The following STK32C variants were observed in gnomAD, a reference collection of about 807,000 sequenced individuals.
The protein encoded by STK32C is serine/threonine-protein kinase 32C.
Under a neutral mutation model 56.5 loss-of-function variants are expected in STK32C, and 31 were observed. The observed-to-expected ratio is 0.55, with a 90% CI of 0.41 to 0.74. The LOEUF is 0.74. Ranked by LOEUF, STK32C falls within the 30% of genes least tolerant of loss-of-function variation. The pLI is 0.00. For synonymous variants in STK32C, 309 were observed against 289.4 expected (o/e 1.07, Z -0.69); for missense variants, 544 against 676.9 (o/e 0.80, Z 2.18).
In STK32C at chr10:132,248,623, C is replaced by T. The variant is rs116271733; in HGVS notation, c.263-2668G>A. On this transcript the variant is annotated intron_variant, in intron 1 of 11. Coordinates refer to ENST00000298630, the MANE Select transcript of STK32C (RefSeq NM_173575.4). ...ACAGCCTTGGCCATTCCCAACAGAG[C>T]TGAGGACGAGGGTGGTGGTCCACGC... Among the ~76,000 whole-genome samples, 1,125 of 152,370 alleles carry T rather than the reference C, an allele frequency of 7.4e-3. 17 individuals are homozygous for T. Among genetic ancestry groups the T allele is most frequent in the African/African-American group, 0.025 (1,054 of 41,586 alleles).
At chr10:132,320,592 G>A (rs183348882), downstream of STK32C, among the ~76,000 whole-genome samples, 16 of 152,298 alleles carry the variant, frequency 1.1e-4, no homozygotes, top group East Asian at 2.9e-3. Context: ...AGATCCTTTG[G>A]GCAGCTTAAG....
Position 132,245,967 on chromosome 10 carries a change from A to G in STK32C, c.263-12T>C. ...GTGGTCGAAGTTCACTGCAGGATAA[A>G]ACAGAGGGACACCTGGTGAGGTGGC... On this transcript the variant is annotated splice_polypyrimidine_tract_variant and intron_variant, in intron 1 of 11. Coordinates refer to ENST00000298630, the MANE Select transcript of STK32C (RefSeq NM_173575.4). 1 of 1,613,442 alleles carries G rather than the reference A, an allele frequency of 6.2e-7. No homozygotes were observed. Among genetic ancestry groups the G allele is most frequent in the Non-Finnish European group, 8.5e-7 (1 of 1,179,950 alleles).
chr10:132,268,258 C>T (rs561538242), intron 1 of STK32C, among the ~76,000 whole-genome samples: 13 of 113,328 alleles, frequency 1.1e-4, no homozygotes, highest in Admixed American at 2.0e-4. Flanking sequence ...TGTGTGCATG[C>T]ATGTGTATGC....
chr10:132,292,962 G>A (rs1343962558), intron 1 of STK32C, among the ~76,000 whole-genome samples: 2 of 151,152 alleles, frequency 1.3e-5, no homozygotes, highest in Non-Finnish European at 2.9e-5. Context: ...ACCTGCTCCA[G>A]TGCTGCAAGT....
chr10:132,288,736 G>A (rs1198887201), intron 1 of STK32C, among the ~76,000 whole-genome samples: 2 of 152,062 alleles, frequency 1.3e-5, no homozygotes, highest in Non-Finnish European at 2.9e-5. Flanking sequence ...AATTACTTGG[G>A]GATAAATTTA....
chr10:132,228,253 G>A lies in STK32C; in HGVS notation c.319-125C>T, dbSNP rs1027366420. On this transcript the variant is annotated intron_variant, in intron 2 of 11. Transcript: ENST00000298630. ...GACACAAGGGGACACCTGGGGACGC[G>A]CCGCAGCCCCTCTGCCTCCTAGACG... The A allele has an allele frequency of 1.1e-4, 132 of 1,244,886 alleles. 2 individuals carry two copies. The highest frequency in any genetic ancestry group is 1.0e-3 in the South Asian group (84 of 82,392). The allele number at this position is 1,244,886 out of a possible 1,614,324, so 77.1% of individuals were successfully genotyped here. A position where few individuals can be genotyped will look rare whatever the true frequency, so the allele number is the denominator to read the frequency against.
chr10:132,319,240 C>G (rs534202256), downstream of STK32C, among the ~76,000 whole-genome samples: 1 of 152,160 alleles, frequency 6.6e-6, no homozygotes, highest in South Asian at 2.1e-4. Context: ...TGAGCCACCA[C>G]GCCCAGTCAT....
At chr10:132,275,398 C>T (rs2064965040) in intron 1 of STK32C, among the ~76,000 whole-genome samples, 1 of 152,282 alleles carries the variant, frequency 6.6e-6, no homozygotes, top group East Asian at 1.9e-4. Context: ...CCCCACCTGC[C>T]CTTGGAGGCA....
upstream of STK32C, among the ~76,000 whole-genome samples, chr10:132,312,567 A>G (rs914086903): frequency 1.1e-4 from 17 of 152,212 alleles, no homozygotes; most frequent in African/African-American, 3.9e-4. Flanking sequence ...AAGGAATAAA[A>G]AGAGTCATCG....
intron 1 of STK32C, among the ~76,000 whole-genome samples, chr10:132,327,613 C>G (rs866822049): frequency 9.2e-5 from 14 of 152,078 alleles, no homozygotes; most frequent in Middle Eastern, 6.8e-3. Context: ...GTACCTGGAA[C>G]TACAGGTATG....
chr10:132,209,444 C>T (rs138654600), intron 10 of STK32C: 295 of 488,188 alleles, frequency 6.0e-4, no homozygotes, highest in African/African-American at 5.0e-3. Flanking sequence ...CGTCTCATAC[C>T]GGGTTCTCCC....
At chr10:132,332,063 G>C, upstream of STK32C, 1 of 255,468 alleles carries the variant, frequency 3.9e-6, no homozygotes, top group Non-Finnish European at 7.3e-6. Context: ...CCCACAACAC[G>C]CACACCCCCG....
intron 1 of STK32C, among the ~76,000 whole-genome samples, chr10:132,285,024 G>A (rs112393481): frequency 3.5e-5 from 4 of 115,162 alleles, no homozygotes; most frequent in East Asian, 2.7e-4. Flanking sequence ...ACATTCCCAC[G>A]TCTGTCCAAA....
intron 1 of STK32C, among the ~76,000 whole-genome samples, chr10:132,303,983 A>G (rs1381159260): frequency 1.3e-5 from 2 of 152,154 alleles, no homozygotes; most frequent in African/African-American, 4.8e-5. Flanking sequence ...TTACCCCACG[A>G]CAGCATGGCC....
chr10:132,246,103 C>A, intron 1 of STK32C, 148 bp from the exon 2 acceptor site: 1 of 779,484 alleles, frequency 1.3e-6, no homozygotes, highest in South Asian at 1.6e-5. Context: ...CAAACTCTCG[C>A]TCCTGTGCGA....
intron 10 of STK32C, among the ~76,000 whole-genome samples, chr10:132,217,184 C>A (rs569603414): frequency 1.3e-5 from 2 of 152,364 alleles, no homozygotes; most frequent in Admixed American, 6.5e-5. Context: ...TGCCTAAGAC[C>A]ATGGGAACCC....
At chr10:132,294,488 T>C (rs2065676294) in intron 1 of STK32C, among the ~76,000 whole-genome samples, 1 of 151,944 alleles carries the variant, frequency 6.6e-6, no homozygotes, top group African/African-American at 2.4e-5. Context: ...GGCTGAGAAA[T>C]AGGGCTGTGG....
At chr10:132,317,954 T>G (rs2138448595) in intron 1 of STK32C, among the ~76,000 whole-genome samples, 1 of 124,808 alleles carries the variant, frequency 8.0e-6, no homozygotes, top group African/African-American at 3.2e-5. Context: ...CTCCAGCCTG[T>G]GAGACTCTGT....
At chr10:132,227,274 G>A (rs1206782625) in intron 3 of STK32C, among the ~76,000 whole-genome samples, 4 of 152,240 alleles carry the variant, frequency 2.6e-5, no homozygotes, top group Admixed American at 6.5e-5. Flanking sequence ...CAGGCTGCCC[G>A]GCCTCCTCTT....
Sources: allele counts gnomAD v4.1 joint callset (sites outside exome capture counted in the v4.1 genomes callset), GRCh38; gene constraint gnomAD v4.1.1; transcripts MANE v1.5; gene names NCBI Gene and HGNC (gene_info 2026-07-23, HGNC 2026-07-21).